CNTN4: variants seen among roughly 807,000 people sequenced by gnomAD.
CNTN4 encodes contactin 4.
In CNTN4, 77 loss-of-function variants were observed where a neutral mutation model predicts 122.5. That is an observed-to-expected ratio of 0.63 (90% CI 0.52 to 0.76). CNTN4 has a LOEUF of 0.76. Ranked by LOEUF, CNTN4 falls within the 30% of genes least tolerant of loss-of-function variation. CNTN4 has a pLI of 0.00. For missense variants in CNTN4, 1,256 were observed against 1,259.1 expected, an observed-to-expected ratio of 1.00 and a Z score of 0.04; for synonymous variants, 512 against 447.0, an observed-to-expected ratio of 1.15 and a Z score of -1.83.
intron 3 of CNTN4, among the ~76,000 whole-genome samples, chr3:2,438,255 C>T (rs557863279): frequency 2.0e-4 from 31 of 152,312 alleles, no homozygotes; most frequent in African/African-American, 7.5e-4. Context: ...CACGGTTGCT[C>T]ACGCTAGTAA....
In CNTN4 at chr3:2,613,173, C is replaced by T. The variant is rs537872043; in HGVS notation, c.55+41615C>T. Among the ~76,000 whole-genome samples, 6 of 142,298 alleles carry T rather than the reference C, an allele frequency of 4.2e-5. No individual in the cohort carries two copies. In the East Asian group the frequency reaches 5.9e-4, roughly 14 times the overall value. 93.4% of individuals were successfully genotyped at this position (142,298 alleles called of 152,430 possible). A position where few individuals can be genotyped will look rare whatever the true frequency, so the allele number is the denominator to read the frequency against. ...AAGATAGCTTCCGTAGTTCTAAGCA[C>T]ACGTGGAGACTCCCTGTTCAGAAGA... On this transcript the variant is annotated intron_variant, in intron 4 of 24. Coordinates refer to ENST00000418658, the MANE Select transcript of CNTN4 (RefSeq NM_175607.3).
At chr3:2,706,752 A>C (rs1003997149) in intron 4 of CNTN4, among the ~76,000 whole-genome samples, 2 of 152,140 alleles carry the variant, frequency 1.3e-5, no homozygotes, top group Admixed American at 6.6e-5. Context: ...TTTGATAACA[A>C]ATTGCTAGGG....
intron 4 of CNTN4, among the ~76,000 whole-genome samples, chr3:2,674,453 T>C (rs1016480149): frequency 2.0e-5 from 3 of 152,152 alleles, no homozygotes; most frequent in African/African-American, 7.2e-5. Flanking sequence ...TATTTGAAAA[T>C]ATGCAAGAAA....
intron 12 of CNTN4, among the ~76,000 whole-genome samples, chr3:2,908,388 C>G (rs2094261125): frequency 6.6e-6 from 1 of 152,110 alleles, no homozygotes; most frequent in South Asian, 2.1e-4. Flanking sequence ...TAGAGGATAG[C>G]TAAGGTCTCC....
In CNTN4 at chr3:2,627,490, C is replaced by CTTTTT. The variant is rs869106549; in HGVS notation, c.55+55949_55+55953dup. On this transcript the variant is annotated intron_variant, in intron 4 of 24. Transcript: ENST00000418658. ...CATGAGGGATGTTGCCATTAAGTGT[C>CTTTTT]TTTTTTTTTTTTTTTTTTTTTGAGA... 6.0e-5 allele frequency among the ~76,000 whole-genome samples: 7 copies of CTTTTT among 116,208 alleles called. 1 individual carries two copies. The highest frequency in any genetic ancestry group is 9.2e-5 in the Admixed American group (1 of 10,820). The allele number at this position is 116,208 out of a possible 152,430, so 76.2% of individuals were successfully genotyped here. A position where few individuals can be genotyped will look rare whatever the true frequency, so the allele number is the denominator to read the frequency against.
chr3:2,942,280 A>T (rs528037445), intron 13 of CNTN4, among the ~76,000 whole-genome samples: 1 of 152,346 alleles, frequency 6.6e-6, no homozygotes, highest in East Asian at 1.9e-4. Context: ...AATAATGGAG[A>T]ATTGTCAGTA....
intron 13 of CNTN4, among the ~76,000 whole-genome samples, chr3:2,949,295 G>A (rs1166157804): frequency 2.6e-5 from 4 of 152,206 alleles, no homozygotes; most frequent in East Asian, 3.9e-4. Context: ...CAACCAAAAC[G>A]AGTGTGATGG....
intron 14 of CNTN4, among the ~76,000 whole-genome samples, chr3:2,997,963 C>T (rs2125369489): frequency 6.6e-6 from 1 of 152,306 alleles, no homozygotes; most frequent in South Asian, 2.1e-4. Flanking sequence ...TTCCCCTTTT[C>T]TCTCTCTTCA....
intron 2 of CNTN4, among the ~76,000 whole-genome samples, chr3:2,124,419 A>G (rs1410676343): frequency 6.8e-6 from 1 of 146,486 alleles, no homozygotes; most frequent in Admixed American, 7.2e-5. Context: ...CTTTGTCTGC[A>G]TAGATTTATT....
At chr3:3,001,608 A>G (rs540609353) in intron 14 of CNTN4, among the ~76,000 whole-genome samples, 101 of 152,330 alleles carry the variant, frequency 6.6e-4, no homozygotes, top group South Asian at 2.1e-4. Context: ...AGACCTAATT[A>G]TTCCGTATTA....
At chr3:2,165,605 G>A (rs976980692) in intron 2 of CNTN4, among the ~76,000 whole-genome samples, 1 of 152,050 alleles carries the variant, frequency 6.6e-6, no homozygotes, top group African/African-American at 2.4e-5. Flanking sequence ...TCACCATGCT[G>A]TACATTAGGT....
At position 2,751,202 on chromosome 3, in the gene CNTN4, G is replaced by A. The variant is rs142395483; in HGVS notation, c.358+5505G>A. ...GGGCACCTGTAGTCCCAGCTACTCG[G>A]GAGGCTGAGGCAGGAGAATGGCTTG... On this transcript the variant is annotated intron_variant, in intron 6 of 24. Transcript: ENST00000418658. Among the ~76,000 whole-genome samples, 582 of 152,196 alleles carry A rather than the reference G, an allele frequency of 3.8e-3. 6 individuals carry two copies. The highest frequency in any genetic ancestry group is 0.033 in the East Asian group (171 of 5,168).
At chr3:2,807,550 T>G (rs2092498920) in intron 6 of CNTN4, among the ~76,000 whole-genome samples, 1 of 152,068 alleles carries the variant, frequency 6.6e-6, no homozygotes, top group Non-Finnish European at 1.5e-5. Flanking sequence ...AAGATACACT[T>G]TATACTCAAA....
At chr3:2,685,113 C>T (rs2085364271) in intron 4 of CNTN4, among the ~76,000 whole-genome samples, 1 of 152,082 alleles carries the variant, frequency 6.6e-6, no homozygotes, top group Non-Finnish European at 1.5e-5. Context: ...GTCATCTTTT[C>T]CTTGTGTCTA....
chr3:2,162,323 C>T (rs1194316998), intron 2 of CNTN4, among the ~76,000 whole-genome samples: 1 of 152,148 alleles, frequency 6.6e-6, no homozygotes, highest in Non-Finnish European at 1.5e-5. Context: ...CTCATATATG[C>T]ACATGCATGC....
At chr3:2,261,157 T>A (rs1430022739) in intron 2 of CNTN4, among the ~76,000 whole-genome samples, 1 of 152,106 alleles carries the variant, frequency 6.6e-6, no homozygotes, top group African/African-American at 2.4e-5. Context: ...AATTCCTAAT[T>A]TTTTTTTCCC....
intron 3 of CNTN4, among the ~76,000 whole-genome samples, chr3:2,530,455 C>G (rs113228173): frequency 6.6e-6 from 1 of 151,680 alleles, no homozygotes; most frequent in Non-Finnish European, 1.5e-5. Context: ...ATTACAGATG[C>G]GCGCCACCAT....
intron 4 of CNTN4, among the ~76,000 whole-genome samples, chr3:2,630,199 C>T (rs1025427363): frequency 6.6e-6 from 1 of 152,186 alleles, no homozygotes; most frequent in African/African-American, 2.4e-5. Context: ...CTTTGGGAGG[C>T]CAAGGCTGGC....
At chr3:3,050,421 A>G (rs1559838020) in intron 23 of CNTN4, among the ~76,000 whole-genome samples, 1 of 152,048 alleles carries the variant, frequency 6.6e-6, no homozygotes, top group Non-Finnish European at 1.5e-5. Context: ...AGGGAAAGCA[A>G]TTTGCCCAGA....
Sources: allele counts gnomAD v4.1 joint callset (sites outside exome capture counted in the v4.1 genomes callset), GRCh38; gene constraint gnomAD v4.1.1; transcripts MANE v1.5; gene names NCBI Gene and HGNC (gene_info 2026-07-23, HGNC 2026-07-21).